The following WASL variants were observed in gnomAD, a reference collection of about 807,000 sequenced individuals.
The protein encoded by WASL is WASP like actin nucleation promoting factor.
Under a neutral mutation model 55.5 loss-of-function variants are expected in WASL, and 20 were observed. The observed-to-expected ratio is 0.36, with a 90% confidence interval of 0.25 to 0.52. The LOEUF is 0.52. Ranked by LOEUF, WASL falls within the 20% of genes least tolerant of loss-of-function variation. WASL has a pLI of 0.92. For missense variants in WASL, 504 were observed against 622.5 expected (o/e 0.81, Z 2.03); for synonymous variants, 249 against 217.6 (o/e 1.14, Z -1.27).
chr7:123,728,843 C>T (rs527799432), intron 1 of WASL, among the ~76,000 whole-genome samples: 51 of 152,162 alleles, frequency 3.4e-4, no homozygotes, highest in African/African-American at 1.0e-3. Flanking sequence ...TGCTGTTAGT[C>T]GTCTGGAGAC....
intron 1 of WASL, among the ~76,000 whole-genome samples, chr7:123,716,761 G>C (rs1236102361): frequency 6.6e-6 from 1 of 152,052 alleles, no homozygotes; most frequent in Non-Finnish European, 1.5e-5. Flanking sequence ...GGATGAGAGG[G>C]TGAAAAGTAG....
chr7:123,701,836 A>G (rs970316900), intron 5 of WASL, among the ~76,000 whole-genome samples: 1 of 151,926 alleles, frequency 6.6e-6, no homozygotes, highest in Admixed American at 6.6e-5. Flanking sequence ...ATAATTATTT[A>G]TTTCATTCTT....
intron 10 of WASL, 67 bp downstream of exon 10, chr7:123,688,975 A>T (rs1803346745): frequency 2.2e-6 from 3 of 1,363,750 alleles, no homozygotes; most frequent in Non-Finnish European, 2.1e-6. Flanking sequence ...CAAACATTCA[A>T]ATTTATTAAA....
intron 5 of WASL, among the ~76,000 whole-genome samples, chr7:123,704,057 A>G (rs530904974): frequency 5.9e-5 from 9 of 152,264 alleles, no homozygotes; most frequent in African/African-American, 2.2e-4. Context: ...CTGGTATTCA[A>G]TGTTTTTTAA....
chr7:123,729,963 A>T (rs945966610), intron 1 of WASL, among the ~76,000 whole-genome samples: 1 of 152,170 alleles, frequency 6.6e-6, no homozygotes, highest in African/African-American at 2.4e-5. Flanking sequence ...CTATTGGAGG[A>T]ATTTTCTCTC....
At chr7:123,725,489 A>G (rs935607686) in intron 1 of WASL, among the ~76,000 whole-genome samples, 2 of 152,042 alleles carry the variant, frequency 1.3e-5, no homozygotes, top group African/African-American at 4.8e-5. Context: ...TTCTATTTTA[A>G]TTTACATTAG....
chr7:123,709,293 G>C, intron 1 of WASL, 70 bp from the exon 2 acceptor site: 2 of 1,371,806 alleles, frequency 1.5e-6, no homozygotes, highest in Non-Finnish European at 1.9e-6. Context: ...CCTGCTGACA[G>C]CTTGACCGCA....
At chr7:123,717,259 A>G (rs917548623) in intron 1 of WASL, among the ~76,000 whole-genome samples, 3 of 152,182 alleles carry the variant, frequency 2.0e-5, no homozygotes, top group African/African-American at 7.2e-5. Context: ...TGGGGAAAAG[A>G]GGTGAACTTA....
chr7:123,706,182 A>G (rs995335711), intron 4 of WASL, 95 bp downstream of exon 4: 2 of 1,166,946 alleles, frequency 1.7e-6, no homozygotes, highest in Non-Finnish European at 2.4e-6. Flanking sequence ...GTTAAGTTTC[A>G]GTAAACTTTT....
chr7:123,742,962 C>T (rs1191355703), intron 1 of WASL, among the ~76,000 whole-genome samples: 1 of 152,096 alleles, frequency 6.6e-6, no homozygotes, highest in East Asian at 1.9e-4. Flanking sequence ...AATAGTTAAA[C>T]TGATTAAGCA....
In WASL at chr7:123,685,781, C is replaced by T. The variant is rs117642181; in HGVS notation, c.1457-1201G>A. 5.1e-3 allele frequency among the ~76,000 whole-genome samples: 762 copies of T among 149,822 alleles called. 4 individuals carry two copies. The highest frequency in any genetic ancestry group is 0.015 in the South Asian group (71 of 4,768). ...ATACTTCTATATTATACTGACTTTC[C>T]ATATTTAACCTCTTCATATATCTAT... On this transcript the variant is annotated intron_variant, in intron 10 of 10. Coordinates refer to ENST00000223023, the MANE Select transcript of WASL (RefSeq NM_003941.4).
At chr7:123,733,908 C>T (rs1458982300) in intron 1 of WASL, among the ~76,000 whole-genome samples, 2 of 99,058 alleles carry the variant, frequency 2.0e-5, no homozygotes, top group East Asian at 5.8e-4. Flanking sequence ...TAGACATCCA[C>T]GTGCCAAAAA....
chr7:123,721,519 TA>T (rs1190637055), intron 1 of WASL, among the ~76,000 whole-genome samples: 2 of 152,118 alleles, frequency 1.3e-5, no homozygotes, highest in Non-Finnish European at 2.9e-5. Context: ...AAGAGCTAGA[TA>T]GCATCCACCC....
chr7:123,734,973 T>C (rs1208657747), intron 1 of WASL, among the ~76,000 whole-genome samples: 2 of 152,042 alleles, frequency 1.3e-5, no homozygotes, highest in Admixed American at 1.3e-4. Flanking sequence ...AAAAATAAGA[T>C]TTCATTTTTT....
chr7:123,682,257 T>C lies in WASL; in HGVS notation c.*2262A>G, dbSNP rs1374368730. The C allele has an allele frequency of 1.3e-5, 2 of 152,138 alleles. No individual in the cohort carries two copies. The highest frequency in any genetic ancestry group is 1.5e-5 in the Non-Finnish European group (1 of 68,024). The allele number at this position is 152,138 out of a possible 1,614,324, so 9.4% of individuals were successfully genotyped here. On this transcript the variant is annotated 3_prime_UTR_variant, in exon 11 of 11. Coordinates refer to ENST00000223023, the MANE Select transcript of WASL (RefSeq NM_003941.4). ...CGCACAGGTATAGTGCTGCTCACAG[T>C]GCAGGATGGTAGAGGACTGAAACAT... is the stretch of plus-strand genomic sequence containing the variant.
At chr7:123,690,515 C>G (rs1342348424) in intron 9 of WASL, among the ~76,000 whole-genome samples, 1 of 74,382 alleles carries the variant, frequency 1.3e-5, no homozygotes, top group African/African-American at 4.5e-5. Flanking sequence ...ACTGATTATG[C>G]ACCCTATGAT....
chr7:123,701,954 A>AT (rs1457101849), intron 5 of WASL, among the ~76,000 whole-genome samples: 1 of 151,402 alleles, frequency 6.6e-6, no homozygotes, highest in South Asian at 2.1e-4. Flanking sequence ...TTAAAAAAAA[A>AT]ACCCTCCATT....
chr7:123,691,463 T>A (rs961103881), intron 9 of WASL, among the ~76,000 whole-genome samples: 1 of 152,150 alleles, frequency 6.6e-6, no homozygotes, highest in African/African-American at 2.4e-5. Flanking sequence ...ATAAGAGTAT[T>A]TTTGATATGT....
chr7:123,720,415 A>C, intron 1 of WASL: 1 of 430,314 alleles, frequency 2.3e-6, no homozygotes, highest in African/African-American at 2.1e-5. Flanking sequence ...TCTGAATAAA[A>C]GGCAAGATGT....
Sources: allele counts gnomAD v4.1 joint callset (sites outside exome capture counted in the v4.1 genomes callset), GRCh38; gene constraint gnomAD v4.1.1; transcripts MANE v1.5; gene names NCBI Gene and HGNC (gene_info 2026-07-23, HGNC 2026-07-21).